The following PHEX variants were observed in gnomAD, a reference collection of about 807,000 sequenced individuals.
PHEX encodes the protein phosphate regulating endopeptidase X-linked, also known as phosphate-regulating neutral endopeptidase PHEX.
A neutral mutation model predicts 68.0 loss-of-function variants in PHEX; 16 were observed. The ratio of observed to expected loss-of-function variants is 0.24; its 90% CI spans 0.16 to 0.36. PHEX has a LOEUF of 0.36. Ranked by LOEUF, PHEX falls within the 10% of genes least tolerant of loss-of-function variation. PHEX has a pLI of 1.00. For synonymous variants in PHEX, 208 were observed against 205.1 expected, an observed-to-expected ratio of 1.01 and a Z score of -0.12; for missense variants, 480 against 575.5, an observed-to-expected ratio of 0.83 and a Z score of 1.70.
intron 12 of PHEX, among the ~76,000 whole-genome samples, chrX:22,155,127 G>A (rs1411797642): frequency 8.9e-6 from 1 of 112,436 alleles, no homozygotes; most frequent in Non-Finnish European, 1.9e-5. Flanking sequence ...GGTCGGGCTA[G>A]TTTCAAACTT....
At chrX:22,226,839 T>G (rs1227960215) in intron 19 of PHEX, among the ~76,000 whole-genome samples, 2 of 111,507 alleles carry the variant, frequency 1.8e-5, no homozygotes, top group Non-Finnish European at 3.8e-5. Flanking sequence ...TTGTTTTCCT[T>G]GAGTACAGGT....
chrX:22,042,123 C>T (rs1927316638), intron 2 of PHEX, among the ~76,000 whole-genome samples: 1 of 111,166 alleles, frequency 9.0e-6, no homozygotes, highest in African/African-American at 3.3e-5. Flanking sequence ...AGAGGCTGTG[C>T]GTGCGTGGGC....
intron 15 of PHEX, among the ~76,000 whole-genome samples, chrX:22,200,699 G>A (rs1934522087): frequency 8.9e-6 from 1 of 111,780 alleles, no homozygotes; most frequent in African/African-American, 3.3e-5. Context: ...ATATAAATGT[G>A]TTAGAGTAAT....
chrX:22,136,736 A>C (rs1932247916), intron 12 of PHEX, among the ~76,000 whole-genome samples: 1 of 111,435 alleles, frequency 9.0e-6, no homozygotes, highest in Non-Finnish European at 1.9e-5. Flanking sequence ...CTCAAAATGG[A>C]AGTGTGTGGA....
At chrX:22,157,870 G>T (rs1932998305) in intron 12 of PHEX, among the ~76,000 whole-genome samples, 1 of 111,945 alleles carries the variant, frequency 8.9e-6, no homozygotes. Context: ...ACTGTGATTT[G>T]CACTTAGAGA....
intron 18 of PHEX, among the ~76,000 whole-genome samples, chrX:22,224,787 G>A (rs191374037): frequency 9.2e-6 from 1 of 108,828 alleles, no homozygotes. Context: ...CCAAAGATTT[G>A]TTTTTATTCA....
chrX:22,111,354 AT>A (rs1930955624), intron 9 of PHEX, 112 bp from the exon 10 acceptor site: 1 of 617,921 alleles, frequency 1.6e-6, no homozygotes, highest in Admixed American at 2.3e-5. Flanking sequence ...GCATTTTTGT[AT>A]GAGTAAGAGG....
chrX:22,213,769 A>C (rs1010754131), intron 16 of PHEX, among the ~76,000 whole-genome samples: 1 of 112,589 alleles, frequency 8.9e-6, no homozygotes, highest in Admixed American at 9.4e-5. Flanking sequence ...GTTTGGATAT[A>C]TGACAATTTA....
intron 14 of PHEX, among the ~76,000 whole-genome samples, chrX:22,181,725 C>G (rs1295593359): frequency 9.0e-6 from 1 of 111,679 alleles, no homozygotes. Flanking sequence ...GGAGTATCTA[C>G]TTTTTTGTGT....
At chrX:22,092,786 G>A (rs112663674) in intron 6 of PHEX, among the ~76,000 whole-genome samples, 32,625 of 79,981 alleles carry the variant, frequency 0.41, 7,516 homozygotes, top group African/African-American at 0.78. Flanking sequence ...ATTTCCCTCT[G>A]TTGCCCAGGC....
At chrX:22,191,104 C>T (rs1418083570) in intron 15 of PHEX, among the ~76,000 whole-genome samples, 1 of 112,030 alleles carries the variant, frequency 8.9e-6, no homozygotes. Context: ...ACTGCAACCT[C>T]TGCCTCCCAG....
intron 13 of PHEX, among the ~76,000 whole-genome samples, chrX:22,169,088 G>A (rs1933436213): frequency 1.8e-5 from 2 of 111,710 alleles, no homozygotes; most frequent in South Asian, 3.7e-4. Flanking sequence ...TCTTGAAAAT[G>A]TAGTCTTTTG....
chrX:22,202,777 G>T (rs890135505), intron 15 of PHEX, among the ~76,000 whole-genome samples: 1 of 111,612 alleles, frequency 9.0e-6, no homozygotes, highest in Non-Finnish European at 1.9e-5. Context: ...GGACCTGTTG[G>T]AATATGAGTA....
chrX:22,221,494 G>C (rs1478079277), intron 17 of PHEX, 119 bp from the exon 18 acceptor site: 7 of 592,482 alleles, frequency 1.2e-5, no homozygotes, highest in Non-Finnish European at 2.0e-5. Context: ...GCTGATCTCA[G>C]GAAGAGTGTT....
intron 15 of PHEX, among the ~76,000 whole-genome samples, chrX:22,194,006 C>T (rs1019849895): frequency 1.8e-5 from 2 of 111,727 alleles, no homozygotes; most frequent in African/African-American, 6.5e-5. Flanking sequence ...TAAAATGTCA[C>T]TGAAGGCTTA....
At chrX:22,099,464 G>T in intron 9 of PHEX, 3 of 217,974 alleles carry the variant, frequency 1.4e-5, no homozygotes, top group East Asian at 1.1e-4. Flanking sequence ...ATGTCTGTGT[G>T]AACATCTTTT....
chrX:22,084,388 G>A (rs7890818), intron 5 of PHEX, among the ~76,000 whole-genome samples: 6,524 of 111,164 alleles, frequency 0.059, 269 homozygotes, highest in African/African-American at 0.14. Flanking sequence ...GTTGAATTAG[G>A]TTAGCTAGTA....
In PHEX at chrX:22,070,300, T is replaced by G. The variant is rs149591898; in HGVS notation, c.350-6088T>G. Among the ~76,000 whole-genome samples the G allele has an allele frequency of 6.6e-3, 741 of 111,650 alleles. 11 individuals carry two copies. Among genetic ancestry groups the G allele is most frequent in the African/African-American group, 0.023 (711 of 30,717 alleles). ...TTTTTTCACCAGAATCAGAGGGCACTCCCTCTGATTTCCAAAAGAGAAATG... is the reference window on the plus strand; with the variant it reads ...TTTTTTCACCAGAATCAGAGGGCACGCCCTCTGATTTCCAAAAGAGAAATG... On this transcript the variant is annotated intron_variant, in intron 3 of 21. Coordinates refer to ENST00000379374, the MANE Select transcript of PHEX (RefSeq NM_000444.6).
rs1442064989 is a variant in PHEX, at chrX:22,168,300, T to C, written c.1405-12T>C. 6.9e-6 allele frequency: 8 copies of C among 1,156,370 alleles called. No homozygotes were observed. In the East Asian group the frequency reaches 1.2e-4, roughly 17 times the overall value. ...GAAACTCTGACATTATTTTTCTTTTTCCTTTTTGTAGGCGAGAGCTGTTTT... is the reference window on the plus strand; with the variant it reads ...GAAACTCTGACATTATTTTTCTTTTCCCTTTTTGTAGGCGAGAGCTGTTTT... On this transcript the variant is annotated splice_polypyrimidine_tract_variant and intron_variant, in intron 12 of 21. Coordinates refer to ENST00000379374, the MANE Select transcript of PHEX (RefSeq NM_000444.6).
Sources: allele counts gnomAD v4.1 joint callset (sites outside exome capture counted in the v4.1 genomes callset), GRCh38; gene constraint gnomAD v4.1.1; transcripts MANE v1.5; gene names NCBI Gene and HGNC (gene_info 2026-07-23, HGNC 2026-07-21).